Variants in AGFG1 observed in about 807,000 individuals in gnomAD.
AGFG1 encodes the protein ArfGAP with FG repeats 1, also known as arf-GAP domain and FG repeat-containing protein 1.
A neutral mutation model predicts 60.6 loss-of-function variants in AGFG1; 10 were observed. The observed-to-expected ratio is 0.16, with a 90% CI of 0.10 to 0.28. The LOEUF is 0.28. Ranked by LOEUF, AGFG1 falls within the 10% of genes least tolerant of loss-of-function variation. The pLI, the probability that AGFG1 is intolerant of heterozygous loss-of-function variation, is 1.00. For missense variants in AGFG1, 537 were observed against 676.5 expected, an observed-to-expected ratio of 0.79 and a Z score of 2.29; for synonymous variants, 247 against 242.9, an observed-to-expected ratio of 1.02 and a Z score of -0.16.
intron 2 of AGFG1, among the ~76,000 whole-genome samples, chr2:227,494,906 A>G (rs1009115599): frequency 6.6e-6 from 1 of 152,236 alleles, no homozygotes; most frequent in Non-Finnish European, 1.5e-5. Context: ...TTAGTCATCA[A>G]TAAAGTATAT....
chr2:227,533,783 T>C, intron 7 of AGFG1, 25 bp downstream of exon 7: 1 of 1,595,050 alleles, frequency 6.3e-7, no homozygotes, highest in Non-Finnish European at 8.6e-7. Context: ...GCAAAACAAA[T>C]ACAAATTTGT....
chr2:227,496,204 G>A (rs547297920), intron 2 of AGFG1, among the ~76,000 whole-genome samples: 1 of 152,014 alleles, frequency 6.6e-6, no homozygotes, highest in South Asian at 2.1e-4. Context: ...TTGCATGCCA[G>A]TATTTGATTA....
chr2:227,526,784 TC>T (rs1160127375), intron 5 of AGFG1, among the ~76,000 whole-genome samples: 1 of 152,100 alleles, frequency 6.6e-6, no homozygotes, highest in Non-Finnish European at 1.5e-5. Flanking sequence ...CCTCAGGTGT[TC>T]CACCTGCCTT....
chr2:227,486,664 T>A (rs1690648237), intron 1 of AGFG1, among the ~76,000 whole-genome samples: 1 of 152,180 alleles, frequency 6.6e-6, no homozygotes. Context: ...TTATTCTGTT[T>A]TCTGTTGTTC....
At chr2:227,517,808 C>T (rs982668446) in intron 2 of AGFG1, among the ~76,000 whole-genome samples, 20 of 152,234 alleles carry the variant, frequency 1.3e-4, no homozygotes, top group East Asian at 3.9e-4. Context: ...TTTGGAAACT[C>T]GTGGACTTGT....
Position 227,524,839 on chromosome 2 carries a change from C to T in AGFG1, c.618C>T (p.Asp206=). 1 of 1,614,150 alleles carries T rather than the reference C, an allele frequency of 6.2e-7. No individual in the cohort carries two copies. The highest frequency in any genetic ancestry group is 8.5e-7 in the Non-Finnish European group (1 of 1,179,978). ...ACCTTTTAAGTGATCTCGGCTCAGA[C>T]ATCTTTGCTGCTCCAGCTCCTCAGT... ...QFDLLSDLGS[D]IFAAPAPQST... Residue 206 remains aspartate (D), a synonymous_variant, in exon 5 of 13, where the codon GAC becomes GAT. Transcript: ENST00000310078.
Position 227,551,939 on chromosome 2 carries a change from C to T in AGFG1, c.1379-20C>T, listed in dbSNP as rs756272242. 7 of 1,612,406 alleles carry T rather than the reference C, an allele frequency of 4.3e-6. No homozygotes were observed. The highest frequency in any genetic ancestry group is 5.9e-6 in the Non-Finnish European group (7 of 1,179,042). The stretch of plus-strand genomic sequence containing the variant: ...ACATATCCTGTTGTATGTAACTGAT[C>T]AGCCCTTCTCTTCTGTCAGCGGCAA... On this transcript the variant is annotated intron_variant, in intron 10 of 12. Transcript: ENST00000310078.
intron 10 of AGFG1, among the ~76,000 whole-genome samples, chr2:227,540,482 G>T (rs1692458091): frequency 6.6e-6 from 1 of 152,142 alleles, no homozygotes. Context: ...TGCTCAGAAT[G>T]ATGGTTTCCA....
intron 2 of AGFG1, among the ~76,000 whole-genome samples, chr2:227,518,311 T>C (rs954664967): frequency 6.6e-6 from 1 of 152,212 alleles, no homozygotes; most frequent in African/African-American, 2.4e-5. Flanking sequence ...CTTGAATAAA[T>C]ACCTAGAAGT....
At chr2:227,526,723 T>C (rs1032308559) in intron 5 of AGFG1, among the ~76,000 whole-genome samples, 2 of 151,072 alleles carry the variant, frequency 1.3e-5, no homozygotes, top group Non-Finnish European at 2.9e-5. Context: ...TTGTGTTTTT[T>C]AGTAAAGATG....
intron 11 of AGFG1, among the ~76,000 whole-genome samples, chr2:227,553,306 T>G (rs966929167): frequency 6.6e-6 from 1 of 152,082 alleles, no homozygotes; most frequent in Admixed American, 6.6e-5. Flanking sequence ...GAGACCAGCC[T>G]GGGCAATGTA....
chr2:227,527,799 T>C (rs1314255143), intron 5 of AGFG1, among the ~76,000 whole-genome samples: 1 of 152,222 alleles, frequency 6.6e-6, no homozygotes, highest in Non-Finnish European at 1.5e-5. Context: ...TGGCTAAAGC[T>C]TACTCTTTTA....
chr2:227,526,234 T>G (rs1559187814), intron 5 of AGFG1, among the ~76,000 whole-genome samples: 2 of 152,050 alleles, frequency 1.3e-5, no homozygotes, highest in Non-Finnish European at 2.9e-5. Flanking sequence ...AGTCTCGCTC[T>G]CTCGCCGAGG....
intron 10 of AGFG1, among the ~76,000 whole-genome samples, chr2:227,544,974 C>T (rs1362119917): frequency 1.3e-5 from 2 of 152,088 alleles, no homozygotes; most frequent in African/African-American, 4.8e-5. Context: ...TTGTGGTGTT[C>T]TCTGTATTTC....
chr2:227,486,321 G>A (rs1038827330), intron 1 of AGFG1, among the ~76,000 whole-genome samples: 13 of 152,062 alleles, frequency 8.5e-5, no homozygotes, highest in African/African-American at 3.1e-4. Flanking sequence ...GTTAATAGTC[G>A]TAGGGTTTTC....
At chr2:227,535,215 T>C (rs1385019931) in intron 8 of AGFG1, among the ~76,000 whole-genome samples, 190 bp downstream of exon 8, 2 of 152,226 alleles carry the variant, frequency 1.3e-5, no homozygotes, top group African/African-American at 2.4e-5. Flanking sequence ...TTTTATCTTT[T>C]CATTGAATCA....
Position 227,560,121 on chromosome 2 carries a change from G to A in AGFG1, c.*5626G>A, listed in dbSNP as rs1435829260. 5 of 152,014 alleles carry A rather than the reference G, an allele frequency of 3.3e-5. No individual in the cohort carries two copies. Among genetic ancestry groups the A allele is most frequent in the Admixed American group, 2.0e-4 (3 of 15,264 alleles). The allele number at this position is 152,014 out of a possible 1,614,324, so 9.4% of individuals were successfully genotyped here. Reference sequence around the variant, plus strand: ...TCCTGTTCTTATTTTAAATGTTCAAGTTTGTGACTTGGTTCTTGTTTAACT... The same window carrying A: ...TCCTGTTCTTATTTTAAATGTTCAAATTTGTGACTTGGTTCTTGTTTAACT... On this transcript the variant is annotated 3_prime_UTR_variant, in exon 13 of 13. Coordinates refer to ENST00000310078, the MANE Select transcript of AGFG1 (RefSeq NM_004504.5).
chr2:227,523,421 G>A (rs1691881377), intron 3 of AGFG1, among the ~76,000 whole-genome samples: 1 of 152,022 alleles, frequency 6.6e-6, no homozygotes, highest in Non-Finnish European at 1.5e-5. Context: ...AAAAATTATA[G>A]TATGAACTAT....
At chr2:227,518,537 TTTA>T in intron 2 of AGFG1, among the ~76,000 whole-genome samples, 1 of 150,618 alleles carries the variant, frequency 6.6e-6, no homozygotes. Flanking sequence ...TTTTTTTTTT[TTTA>T]AAGACAGAGT....
Sources: allele counts gnomAD v4.1 joint callset (sites outside exome capture counted in the v4.1 genomes callset), GRCh38; gene constraint gnomAD v4.1.1; transcripts MANE v1.5; gene names NCBI Gene and HGNC (gene_info 2026-07-23, HGNC 2026-07-21).